Variants in PTK7 observed in about 807,000 individuals in gnomAD.
The protein encoded by PTK7 is inactive tyrosine-protein kinase 7.
Under a neutral mutation model 116.6 loss-of-function variants are expected in PTK7, and 39 were observed. That is an observed-to-expected ratio of 0.33 (90% CI 0.26 to 0.44). The LOEUF (loss-of-function observed/expected upper bound fraction) is 0.44, where lower values mean the gene tolerates loss of function less well. Ranked by LOEUF, PTK7 falls within the 20% of genes least tolerant of loss-of-function variation. The pLI is 1.00. For missense variants in PTK7, 1,169 were observed against 1,425.6 expected (o/e 0.82, Z 2.90); for synonymous variants, 546 against 563.6 (o/e 0.97, Z 0.44).
chr6:43,104,808 CTTT>C (rs35126838), intron 1 of PTK7, among the ~76,000 whole-genome samples: 3 of 102,836 alleles, frequency 2.9e-5, no homozygotes, highest in Non-Finnish European at 3.8e-5. Context: ...ATTAGCACAA[CTTT>C]TTTTTTTTTT....
chr6:43,141,911 G>T lies in PTK7; in HGVS notation c.1769-20G>T. On this transcript the variant is annotated intron_variant, in intron 11 of 19. Transcript: ENST00000230419. The surrounding 1 kb of genome is among the most constrained non-coding windows in gnomAD (Gnocchi z 4.9). ...CTTGGCTTACCCCTCCCTGCGCCTC[G>T]CTGGTCTCTTTTCTTCCAGTTTTTA... 1 of 1,596,740 alleles carries T rather than the reference G, an allele frequency of 6.3e-7. No homozygotes were observed. Among genetic ancestry groups the T allele is most frequent in the Non-Finnish European group, 8.6e-7 (1 of 1,169,386 alleles).
At chr6:43,119,531 A>G (rs1335676406) in intron 1 of PTK7, among the ~76,000 whole-genome samples, 1 of 152,038 alleles carries the variant, frequency 6.6e-6, no homozygotes, top group East Asian at 1.9e-4. Context: ...ACCTGGAAGC[A>G]CTTTGGGTCC....
rs551211295 is a variant in PTK7, at chr6:43,087,552, T to C, written c.79+10985T>C. ...GCGCTGGGTATCCTGGTGATGTTCATACCTCTTGAGCCTGAGGAAGCACCA... is the reference window on the plus strand; with the variant it reads ...GCGCTGGGTATCCTGGTGATGTTCACACCTCTTGAGCCTGAGGAAGCACCA... On this transcript the variant is annotated intron_variant, in intron 1 of 19. Coordinates refer to ENST00000230419, the MANE Select transcript of PTK7 (RefSeq NM_002821.5). Among the ~76,000 whole-genome samples the C allele has an allele frequency of 3.9e-5, 6 of 152,310 alleles. 1 individual carries two copies. In the South Asian group the frequency reaches 1.2e-3, roughly 32 times the overall value.
rs376302701 is a variant in PTK7, at chr6:43,148,826, C to T, written c.2721+2128C>T. ...CTGTAATCCCAGCACTTTGGGAGGCCGAGGCGGGCAGATCACGAGGTCAGG... is the reference window on the plus strand; with the variant it reads ...CTGTAATCCCAGCACTTTGGGAGGCTGAGGCGGGCAGATCACGAGGTCAGG... On this transcript the variant is annotated intron_variant, in intron 17 of 19. Transcript: ENST00000230419. Among the ~76,000 whole-genome samples, 137 of 149,950 alleles carry T rather than the reference C, an allele frequency of 9.1e-4. 2 individuals are homozygous for T. The highest frequency in any genetic ancestry group is 3.8e-3 in the South Asian group (18 of 4,694).
intron 1 of PTK7, among the ~76,000 whole-genome samples, chr6:43,107,544 G>A (rs1365688612): frequency 6.6e-6 from 1 of 152,190 alleles, no homozygotes; most frequent in Non-Finnish European, 1.5e-5. Flanking sequence ...GTAAGTGGTA[G>A]CTGTTACTTT....
intron 1 of PTK7, 124 bp from the exon 2 acceptor site, chr6:43,128,853 C>T: frequency 1.0e-6 from 1 of 976,556 alleles, no homozygotes; most frequent in South Asian, 1.9e-5. Context: ...TGATCCTTCA[C>T]ACCTGCACTT....
chr6:43,106,974 G>A (rs1320296375), intron 1 of PTK7, among the ~76,000 whole-genome samples: 1 of 148,898 alleles, frequency 6.7e-6, no homozygotes, highest in South Asian at 2.1e-4. Context: ...CCAGGCTGGA[G>A]TGCAGTGGCG....
chr6:43,132,757 G>A, intron 7 of PTK7, 70 bp downstream of exon 7: 1 of 1,545,296 alleles, frequency 6.5e-7, no homozygotes, highest in Non-Finnish European at 8.7e-7. Flanking sequence ...ATGGACAGAG[G>A]CTTCCCTGGT....
At position 43,140,452 on chromosome 6, in the gene PTK7, C is replaced by CAAA. The variant is rs58975715; in HGVS notation, c.1618+942_1618+944dup. Among the ~76,000 whole-genome samples, 408 of 101,624 alleles carry CAAA rather than the reference C, an allele frequency of 4.0e-3. 4 individuals are homozygous for CAAA. The highest frequency in any genetic ancestry group is 0.013 in the African/African-American group (380 of 29,830). 66.7% of individuals were successfully genotyped at this position (101,624 alleles called of 152,430 possible). On this transcript the variant is annotated intron_variant, in intron 10 of 19. Coordinates refer to ENST00000230419, the MANE Select transcript of PTK7 (RefSeq NM_002821.5). ...TGGGTGGCAGAGCGAGACTCCATCT[C>CAAA]AAAAAAAAAAAAAAAAATATTGGGA... is the stretch of plus-strand genomic sequence containing the variant.
chr6:43,125,326 G>A (rs1769226383), intron 1 of PTK7, among the ~76,000 whole-genome samples: 1 of 152,230 alleles, frequency 6.6e-6, no homozygotes, highest in Admixed American at 6.5e-5. Context: ...GGGGCTCTGA[G>A]TGGCAGTCTG....
chr6:43,159,508 A>C (rs1019897929), intron 18 of PTK7: 4 of 489,218 alleles, frequency 8.2e-6, no homozygotes, highest in Non-Finnish European at 1.5e-5. Context: ...TTTTACAACC[A>C]ATATAGAAAG....
chr6:43,134,933 G>A (rs79397081), intron 7 of PTK7, among the ~76,000 whole-genome samples: 2 of 151,992 alleles, frequency 1.3e-5, no homozygotes, highest in East Asian at 3.8e-4. Context: ...CTGGATGACA[G>A]CAAGACCCTG....
At position 43,076,517 on chromosome 6, in the gene PTK7, G is replaced by T; in HGVS notation, c.29G>T (p.Arg10Ile). MGAARGSPA[R>I]PRRLPLLSVL... ...GGAGCTGCGCGGGGATCCCCGGCCA[G>T]ACCCCGCCGGTTGCCTCTGCTCAGC... Residue 10 changes from arginine to isoleucine, a missense_variant, in exon 1 of 20, where the codon AGA (arginine) becomes ATA (isoleucine). By Grantham distance (97) the Arg-to-Ile change is moderately conservative (BLOSUM62 -3). Transcript: ENST00000230419. This position sits in a 1 kb window ranked among gnomAD's most constrained non-coding sequence, Gnocchi z 5.7. The T allele has an allele frequency of 1.3e-6, 2 of 1,574,650 alleles. No homozygotes were observed. The highest frequency in any genetic ancestry group is 2.5e-5 in the East Asian group (1 of 39,232).
chr6:43,122,360 C>T (rs1037623223), intron 1 of PTK7, among the ~76,000 whole-genome samples: 3 of 152,076 alleles, frequency 2.0e-5, no homozygotes, highest in Non-Finnish European at 4.4e-5. Context: ...GGAAGTTTGT[C>T]CTCTGTGGGT....
chr6:43,151,297 C>T (rs1450711862), intron 17 of PTK7, among the ~76,000 whole-genome samples: 3 of 149,756 alleles, frequency 2.0e-5, no homozygotes, highest in Non-Finnish European at 4.5e-5. Context: ...CTGCAAGCTC[C>T]GCCTCCCGGG....
intron 1 of PTK7, among the ~76,000 whole-genome samples, chr6:43,107,841 G>A (rs1043398049): frequency 8.5e-5 from 13 of 152,172 alleles, no homozygotes; most frequent in Non-Finnish European, 1.8e-4. Context: ...CACCTCTCAC[G>A]GGCGAGGCAT....
At chr6:43,113,998 G>A (rs1162054442) in intron 1 of PTK7, among the ~76,000 whole-genome samples, 2 of 152,064 alleles carry the variant, frequency 1.3e-5, no homozygotes, top group Non-Finnish European at 2.9e-5. Flanking sequence ...AGCAGCCCCG[G>A]GGCCTGTGGC....
intron 1 of PTK7, among the ~76,000 whole-genome samples, chr6:43,115,349 A>AGT (rs1344509721): frequency 6.6e-6 from 1 of 152,202 alleles, no homozygotes; most frequent in African/African-American, 2.4e-5. Context: ...TATTTTAAGC[A>AGT]GTAAAATGGA....
chr6:43,112,064 G>A (rs761741324), intron 1 of PTK7, among the ~76,000 whole-genome samples: 1 of 151,924 alleles, frequency 6.6e-6, no homozygotes, highest in Non-Finnish European at 1.5e-5. Context: ...TGGTAAGTGA[G>A]GGAGTGTATT....
Sources: allele counts gnomAD v4.1 joint callset (sites outside exome capture counted in the v4.1 genomes callset), GRCh38; gene constraint gnomAD v4.1.1; non-coding constraint Gnocchi (gnomAD v3.1); transcripts MANE v1.5; gene names NCBI Gene and HGNC (gene_info 2026-07-23, HGNC 2026-07-21).